Variants in ADCY1 observed in about 807,000 individuals in gnomAD.
ADCY1 encodes adenylate cyclase type 1.
Under a neutral mutation model 105.4 loss-of-function variants are expected in ADCY1, and 28 were observed. That is an observed-to-expected ratio of 0.27 (90% CI 0.20 to 0.36). The LOEUF is 0.36. Among genes scored for constraint, ADCY1 ranks in the 10% least tolerant of loss-of-function variants. The pLI, the probability that ADCY1 is intolerant of heterozygous loss-of-function variation, is 1.00. For synonymous variants in ADCY1, 655 were observed against 623.8 expected, an observed-to-expected ratio of 1.05 and a Z score of -0.75; for missense variants, 977 against 1,434.2, an observed-to-expected ratio of 0.68 and a Z score of 5.15.
intron 14 of ADCY1, among the ~76,000 whole-genome samples, chr7:45,697,286 G>A (rs61152889): frequency 0.018 from 2,670 of 152,194 alleles, 71 homozygotes; most frequent in African/African-American, 0.061. Flanking sequence ...GTACAGTGAC[G>A]GTGGACCTCG....
intron 8 of ADCY1, among the ~76,000 whole-genome samples, chr7:45,670,152 T>A (rs1378643868): frequency 6.6e-6 from 1 of 152,212 alleles, no homozygotes. Flanking sequence ...GTCAGTGATA[T>A]CACTGCATCC....
intron 19 of ADCY1, among the ~76,000 whole-genome samples, chr7:45,711,929 TATTAAATATATAAATAC>T (rs1197972130): frequency 3.7e-4 from 44 of 120,546 alleles, no homozygotes; most frequent in East Asian, 3.1e-3. Context: ...TTATATATTA[TATTAAATATATAAATAC>T]ATATTATATT....
chr7:45,654,557 C>T (rs1413976084), intron 5 of ADCY1, among the ~76,000 whole-genome samples: 1 of 152,222 alleles, frequency 6.6e-6, no homozygotes, highest in Non-Finnish European at 1.5e-5. Flanking sequence ...GTCTGCCTGG[C>T]ACTTGGGCTG....
At chr7:45,607,355 C>G (rs1381893848) in intron 2 of ADCY1, among the ~76,000 whole-genome samples, 1 of 152,160 alleles carries the variant, frequency 6.6e-6, no homozygotes, top group Non-Finnish European at 1.5e-5. Flanking sequence ...CCTCCTAAAC[C>G]AAGATGGTAG....
chr7:45,655,855 G>A (rs115562180), intron 5 of ADCY1, among the ~76,000 whole-genome samples: 5,385 of 152,024 alleles, frequency 0.035, 119 homozygotes, highest in East Asian at 0.1. Flanking sequence ...GCACAAAAAC[G>A]TTATTAGTAT....
In ADCY1 at chr7:45,592,814, G is replaced by A. The variant is rs754593310; in HGVS notation, c.695G>A (p.Arg232Gln). 2.5e-6 allele frequency: 4 copies of A among 1,614,214 alleles called. No homozygotes were observed. The highest frequency in any genetic ancestry group is 1.7e-5 in the Admixed American group (1 of 60,022). Residue 232 changes from arginine to glutamine, a missense_variant, in exon 2 of 20, where the codon CGG (arginine) becomes CAG (glutamine). This residue lies in a region of ADCY1 where 196 missense variants were observed against 347.8 expected (regional missense o/e 0.56). Transcript: ENST00000297323. ...GTGAACATGTATGGGGTCTTTGTGC[G>A]GATTCTGACTGAGCGTTCACAGAGG... ...VGVNMYGVFV[R>Q]ILTERSQRKA...
At chr7:45,589,313 T>C (rs1792832930) in intron 1 of ADCY1, among the ~76,000 whole-genome samples, 1 of 152,054 alleles carries the variant, frequency 6.6e-6, no homozygotes, top group African/African-American at 2.4e-5. Flanking sequence ...GTGGTGGTGG[T>C]GTGCAGATGG....
chr7:45,668,463 A>G (rs1466327427), intron 8 of ADCY1, among the ~76,000 whole-genome samples: 1 of 152,236 alleles, frequency 6.6e-6, no homozygotes, highest in Non-Finnish European at 1.5e-5. Flanking sequence ...CCAGCCTTGC[A>G]TCCCAGGGAT....
At chr7:45,582,464 G>A (rs977803784) in intron 1 of ADCY1, among the ~76,000 whole-genome samples, 1 of 152,136 alleles carries the variant, frequency 6.6e-6, no homozygotes, top group African/African-American at 2.4e-5. Context: ...GAGCTGTGGA[G>A]GCAGGGACCG....
chr7:45,605,565 A>AT (rs57760402), intron 2 of ADCY1, among the ~76,000 whole-genome samples: 95 of 147,564 alleles, frequency 6.4e-4, no homozygotes, highest in African/African-American at 1.5e-3. Context: ...TTGCTATGTG[A>AT]TTTTTTTTTT....
chr7:45,637,532 G>A (rs189467131), intron 4 of ADCY1, among the ~76,000 whole-genome samples: 123 of 152,086 alleles, frequency 8.1e-4, no homozygotes, highest in African/African-American at 2.7e-3. Flanking sequence ...GACCAGACTG[G>A]ACAACATAAT....
chr7:45,692,464 C>G (rs1452490177), intron 14 of ADCY1, among the ~76,000 whole-genome samples: 3 of 152,192 alleles, frequency 2.0e-5, no homozygotes, highest in African/African-American at 7.2e-5. Flanking sequence ...AGACAGGACC[C>G]TGACCCAGGT....
At position 45,670,408 on chromosome 7, in the gene ADCY1, G is replaced by T. The variant is rs188105536; in HGVS notation, c.1606-7461G>T. Among the ~76,000 whole-genome samples the T allele has an allele frequency of 8.8e-4, 134 of 152,330 alleles. 1 individual carries two copies. The highest frequency in any genetic ancestry group is 2.9e-3 in the African/African-American group (120 of 41,570). On this transcript the variant is annotated intron_variant, in intron 8 of 19. Coordinates refer to ENST00000297323, the MANE Select transcript of ADCY1 (RefSeq NM_021116.4). ...AGCTGACAGGCAGAGGATGCTGGGTGGTGACAGGGTTTGGAGGTGTGGCTG... is the reference window on the plus strand; with the variant it reads ...AGCTGACAGGCAGAGGATGCTGGGTTGTGACAGGGTTTGGAGGTGTGGCTG...
chr7:45,674,217 G>A (rs781519468), intron 8 of ADCY1, among the ~76,000 whole-genome samples: 3 of 151,510 alleles, frequency 2.0e-5, no homozygotes, highest in Non-Finnish European at 4.4e-5. Context: ...ACATACTCTT[G>A]GGTACCTGAA....
At chr7:45,659,740 A>T (rs972417906) in intron 6 of ADCY1, among the ~76,000 whole-genome samples, 3 of 151,496 alleles carry the variant, frequency 2.0e-5, no homozygotes, top group African/African-American at 7.3e-5. Context: ...AACTTCCCTA[A>T]TGAGTCCTGA....
Position 45,574,619 on chromosome 7 carries a change from G to C in ADCY1, c.76G>C (p.Gly26Arg), listed in dbSNP as rs1194713613. The C allele has an allele frequency of 8.5e-7, 1 of 1,173,748 alleles. No homozygotes were observed. The highest frequency in any genetic ancestry group is 1.6e-5 in the African/African-American group (1 of 61,684). The allele number at this position is 1,173,748 out of a possible 1,614,324, so 72.7% of individuals were successfully genotyped here. ...GEPGGAERAA[G>R]TSRRRGLRAC... ...GCCCGGGGGCGCCGAGCGGGCGGCC[G>C]GGACAAGCCGCCGGCGCGGGCTCCG... The change falls in exon 1 of 20, where the codon GGG (glycine) becomes CGG (arginine). Residue 26 changes from glycine (G) to arginine (R), a missense_variant. By Grantham distance (125) the Gly-to-Arg change is moderately radical. Transcript: ENST00000297323. The surrounding 1 kb of genome is among the most constrained non-coding windows in gnomAD (Gnocchi z 7.0).
intron 6 of ADCY1, among the ~76,000 whole-genome samples, chr7:45,658,776 C>T (rs746365865): frequency 2.6e-5 from 4 of 152,246 alleles, no homozygotes; most frequent in East Asian, 1.9e-4. Flanking sequence ...CCTCGGTGAC[C>T]GTTGTAGTTC....
intron 1 of ADCY1, among the ~76,000 whole-genome samples, chr7:45,588,633 G>A (rs1038797012): frequency 4.6e-5 from 7 of 151,952 alleles, no homozygotes; most frequent in African/African-American, 1.5e-4. Flanking sequence ...GCACAGTCAA[G>A]TAGAGATGCC....
Position 45,708,302 on chromosome 7 carries a change from C to T in ADCY1, c.2818-48C>T, listed in dbSNP as rs768534717. The T allele has an allele frequency of 1.4e-6, 2 of 1,451,502 alleles. No homozygotes were observed. Among genetic ancestry groups the T allele is most frequent in the Admixed American group, 3.4e-5 (2 of 58,886 alleles). 89.9% of individuals were successfully genotyped at this position (1,451,502 alleles called of 1,614,324 possible). A position where few individuals can be genotyped will look rare whatever the true frequency, so the allele number is the denominator to read the frequency against. ...ACTGCAGGTTGGTCCCTGGCCCCCTCTTGCCTTGCACTCCCCAGATGTAAT... is the reference window on the plus strand; with the variant it reads ...ACTGCAGGTTGGTCCCTGGCCCCCTTTTGCCTTGCACTCCCCAGATGTAAT... On this transcript the variant is annotated intron_variant, in intron 17 of 19. Coordinates refer to ENST00000297323, the MANE Select transcript of ADCY1 (RefSeq NM_021116.4). The surrounding 1 kb of genome is among the most constrained non-coding windows in gnomAD (Gnocchi z 4.7).
Sources: allele counts gnomAD v4.1 joint callset (sites outside exome capture counted in the v4.1 genomes callset), GRCh38; gene constraint gnomAD v4.1.1; regional missense constraint gnomAD v4.1.1; non-coding constraint Gnocchi (gnomAD v3.1); transcripts MANE v1.5; gene names NCBI Gene and HGNC (gene_info 2026-07-23, HGNC 2026-07-21).